The following ALK variants were observed in gnomAD, a reference collection of about 807,000 sequenced individuals.
The protein encoded by ALK is ALK receptor tyrosine kinase, also known as ALK tyrosine kinase receptor.
In ALK, 74 loss-of-function variants were observed where a neutral mutation model predicts 163.1. That is an observed-to-expected ratio of 0.45 (90% confidence interval 0.38 to 0.55). ALK has a LOEUF of 0.55. Among genes scored for constraint, ALK ranks in the 20% least tolerant of loss-of-function variants. The pLI, the probability that ALK is intolerant of heterozygous loss-of-function variation, is 0.00. For missense variants in ALK, 2,063 were observed against 2,105.3 expected (o/e 0.98, Z 0.39); for synonymous variants, 960 against 843.2 (o/e 1.14, Z -2.40).
intron 1 of ALK, among the ~76,000 whole-genome samples, chr2:29,747,505 C>T (rs1322287029): frequency 1.3e-5 from 2 of 152,186 alleles, no homozygotes; most frequent in Non-Finnish European, 2.9e-5. Flanking sequence ...ATCTCTTGGA[C>T]CTCAGAGAGG....
intron 3 of ALK, among the ~76,000 whole-genome samples, chr2:29,624,990 C>T (rs1219048461): frequency 6.6e-6 from 1 of 152,120 alleles, no homozygotes; most frequent in Non-Finnish European, 1.5e-5. Flanking sequence ...AATTGATAAT[C>T]TCAAACTATG....
chr2:29,482,353 T>A (rs1213591550), intron 4 of ALK, among the ~76,000 whole-genome samples: 2 of 152,220 alleles, frequency 1.3e-5, no homozygotes, highest in Non-Finnish European at 2.9e-5. Context: ...TCTAGGATTC[T>A]GTGTATGAAA....
At chr2:29,784,096 AGAG>A (rs1385971048) in intron 1 of ALK, among the ~76,000 whole-genome samples, 2 of 152,182 alleles carry the variant, frequency 1.3e-5, no homozygotes, top group Non-Finnish European at 2.9e-5. Flanking sequence ...ACAGAGAGAG[AGAG>A]AAAAGAGAGG....
intron 1 of ALK, among the ~76,000 whole-genome samples, chr2:29,856,971 G>A (rs1000291445): frequency 7.2e-5 from 11 of 152,208 alleles, no homozygotes; most frequent in Admixed American, 3.3e-4. Context: ...AGTTGTCTGT[G>A]TGTAAGTGTG....
chr2:29,283,828 G>A (rs768670479), intron 9 of ALK, among the ~76,000 whole-genome samples: 4 of 152,076 alleles, frequency 2.6e-5, no homozygotes, highest in Non-Finnish European at 4.4e-5. Context: ...GCTTCCTCAA[G>A]CAGTGCCACA....
chr2:29,410,824 G>C (rs1669708208), intron 4 of ALK, among the ~76,000 whole-genome samples: 1 of 152,184 alleles, frequency 6.6e-6, no homozygotes, highest in Admixed American at 6.5e-5. Context: ...TGAAGGCCTA[G>C]GACATCACTG....
chr2:29,710,634 G>T (rs1679061927), intron 2 of ALK, among the ~76,000 whole-genome samples: 1 of 152,042 alleles, frequency 6.6e-6, no homozygotes, highest in Admixed American at 6.6e-5. Flanking sequence ...TCCTACCTCA[G>T]ACTTCCAAGT....
chr2:29,635,169 A>G (rs1264184647), intron 3 of ALK, among the ~76,000 whole-genome samples: 1 of 152,214 alleles, frequency 6.6e-6, no homozygotes, highest in African/African-American at 2.4e-5. Context: ...AAGTTCATGG[A>G]TTGGAAGTCT....
At chr2:29,532,793 C>T (rs1281399896) in intron 3 of ALK, among the ~76,000 whole-genome samples, 2 of 152,316 alleles carry the variant, frequency 1.3e-5, no homozygotes, top group Non-Finnish European at 2.9e-5. Flanking sequence ...CCAGGCATTC[C>T]TTCTGATACA....
chr2:29,278,066 A>T (rs1036006999), intron 9 of ALK, among the ~76,000 whole-genome samples: 1 of 152,038 alleles, frequency 6.6e-6, no homozygotes, highest in African/African-American at 2.4e-5. Flanking sequence ...AGGAAGGGGG[A>T]ATTACACCAG....
intron 9 of ALK, among the ~76,000 whole-genome samples, chr2:29,294,388 G>C (rs773128199): frequency 6.6e-6 from 1 of 152,216 alleles, no homozygotes; most frequent in Non-Finnish European, 1.5e-5. Context: ...TGGTTATATT[G>C]CTAAATTGGC....
intron 6 of ALK, 97 bp downstream of exon 6, chr2:29,328,253 G>A (rs1297028042): frequency 2.5e-6 from 4 of 1,570,864 alleles, no homozygotes; most frequent in Non-Finnish European, 3.5e-6. Flanking sequence ...TGGATATCAG[G>A]AAGGCTGTCC....
At chr2:29,682,770 A>T (rs779987047) in intron 3 of ALK, among the ~76,000 whole-genome samples, 62 of 152,212 alleles carry the variant, frequency 4.1e-4, no homozygotes, top group Non-Finnish European at 6.8e-4. Flanking sequence ...TTCTCATTGT[A>T]GGCACCTTGC....
At position 29,464,256 on chromosome 2, in the gene ALK, T is replaced by C. The variant is rs114125773; in HGVS notation, c.1154+67659A>G. The stretch of plus-strand genomic sequence containing the variant: ...ACAGAGATAGAAGTCAAAGCGATAA[T>C]AGAATTTGATGATCTTAGAACAGCT... On this transcript the variant is annotated intron_variant, in intron 4 of 28. Transcript: ENST00000389048. 4.5e-3 allele frequency among the ~76,000 whole-genome samples: 680 copies of C among 152,226 alleles called. 3 individuals are homozygous for C. Among genetic ancestry groups the C allele is most frequent in the African/African-American group, 0.015 (632 of 41,536 alleles).
intron 3 of ALK, among the ~76,000 whole-genome samples, chr2:29,558,790 A>G (rs2148181032): frequency 6.6e-6 from 1 of 152,168 alleles, no homozygotes; most frequent in East Asian, 1.9e-4. Flanking sequence ...ATGAACTACC[A>G]TTTGTTCATT....
intron 3 of ALK, among the ~76,000 whole-genome samples, chr2:29,556,970 A>C (rs1349757740): frequency 6.6e-6 from 1 of 152,208 alleles, no homozygotes; most frequent in Non-Finnish European, 1.5e-5. Context: ...AATCAAAAAT[A>C]TCTCTACAAA....
At chr2:29,743,899 A>T (rs1212755239) in intron 1 of ALK, among the ~76,000 whole-genome samples, 3 of 151,852 alleles carry the variant, frequency 2.0e-5, no homozygotes, top group Non-Finnish European at 2.9e-5. Flanking sequence ...AGCCCATTTT[A>T]TGGTTCACAT....
intron 3 of ALK, among the ~76,000 whole-genome samples, chr2:29,616,213 C>A (rs890258071): frequency 1.3e-5 from 2 of 152,016 alleles, no homozygotes; most frequent in African/African-American, 4.8e-5. Context: ...CAGGAGCTTT[C>A]GGGAAAGAGG....
In ALK at chr2:29,214,087, G is replaced by A. The variant is rs778169676; in HGVS notation, c.3646-6C>T. ...GCCAGGGAGGAGGGCTGGCTCTGTG[G>A]GGAGACAGAAGCGGGCCACTGACGA... On this transcript the variant is annotated splice_polypyrimidine_tract_variant and splice_region_variant and intron_variant, in intron 23 of 28. Coordinates refer to ENST00000389048, the MANE Select transcript of ALK (RefSeq NM_004304.5). The A allele has an allele frequency of 1.9e-6, 3 of 1,613,412 alleles. No homozygotes were observed. In the African/African-American group the frequency reaches 4.0e-5, roughly 22 times the overall value.
Sources: allele counts gnomAD v4.1 joint callset (sites outside exome capture counted in the v4.1 genomes callset), GRCh38; gene constraint gnomAD v4.1.1; transcripts MANE v1.5; gene names NCBI Gene and HGNC (gene_info 2026-07-23, HGNC 2026-07-21).